The following CWF19L2 variants were observed in gnomAD, a reference collection of about 807,000 sequenced individuals.
CWF19L2 encodes CWF19-like protein 2.
In CWF19L2, 98 loss-of-function variants were observed where a neutral mutation model predicts 111.7. That is an observed-to-expected ratio of 0.88 (90% CI 0.75 to 1.04). The LOEUF (loss-of-function observed/expected upper bound fraction) is 1.04, where lower values mean the gene tolerates loss of function less well. Ranked by LOEUF, CWF19L2 falls within the 50% of genes least tolerant of loss-of-function variation. The pLI, the probability that CWF19L2 is intolerant of heterozygous loss-of-function variation, is 0.00. For missense variants in CWF19L2, 1,101 were observed against 1,051.4 expected, an observed-to-expected ratio of 1.05 and a Z score of -0.65; for synonymous variants, 351 against 342.9, an observed-to-expected ratio of 1.02 and a Z score of -0.26.
At chr11:107,457,600 T>G (rs1861873559) in intron 1 of CWF19L2, 112 bp downstream of exon 1, 1 of 733,366 alleles carries the variant, frequency 1.4e-6, no homozygotes, top group African/African-American at 1.8e-5. Context: ...TCACCCAAAT[T>G]AAGGTGAGAT....
At chr11:107,403,711 T>G in intron 10 of CWF19L2, 1 of 823,068 alleles carries the variant, frequency 1.2e-6, no homozygotes, top group Admixed American at 1.7e-5. Context: ...CGGCTTGCTC[T>G]GCCGCCTCCT....
At chr11:107,351,754 G>A (rs1446565388) in intron 13 of CWF19L2, among the ~76,000 whole-genome samples, 2 of 152,092 alleles carry the variant, frequency 1.3e-5, no homozygotes, top group Non-Finnish European at 2.9e-5. Flanking sequence ...GACTCATAAG[G>A]GCCACAGAAT....
At chr11:107,443,173 T>G in intron 3 of CWF19L2, 124 bp from the exon 4 acceptor site, 1 of 667,878 alleles carries the variant, frequency 1.5e-6, no homozygotes, top group Non-Finnish European at 2.6e-6. Flanking sequence ...ATTTCCCCTT[T>G]ACAAAATGGC....
At chr11:107,387,456 AC>A (rs1340469108) in intron 12 of CWF19L2, among the ~76,000 whole-genome samples, 59 of 63,468 alleles carry the variant, frequency 9.3e-4, no homozygotes, top group African/African-American at 4.4e-3. Context: ...ACAAAACAAA[AC>A]AAAACAAAAC....
chr11:107,346,508 C>G (rs1760601514), intron 14 of CWF19L2, among the ~76,000 whole-genome samples: 1 of 152,144 alleles, frequency 6.6e-6, no homozygotes, highest in Non-Finnish European at 1.5e-5. Flanking sequence ...AAAGAGGAAA[C>G]CCATGCTACA....
intron 15 of CWF19L2, 136 bp downstream of exon 15, chr11:107,336,422 C>T (rs981154084): frequency 1.1e-5 from 8 of 725,930 alleles, no homozygotes; most frequent in Admixed American, 7.7e-5. Context: ...AGGCACTGTG[C>T]CCGGCCTATT....
At chr11:107,441,728 G>T in intron 4 of CWF19L2, 106 bp from the exon 5 acceptor site, 1 of 1,196,208 alleles carries the variant, frequency 8.4e-7, no homozygotes, top group Non-Finnish European at 1.1e-6. Flanking sequence ...GACTTTGGAG[G>T]CAATCAAACC....
intron 12 of CWF19L2, among the ~76,000 whole-genome samples, chr11:107,371,967 A>T (rs1397551825): frequency 7.3e-6 from 1 of 137,698 alleles, no homozygotes; most frequent in Non-Finnish European, 1.6e-5. Flanking sequence ...TTGCAAAATC[A>T]AAATCACAGA....
intron 10 of CWF19L2, among the ~76,000 whole-genome samples, chr11:107,398,008 T>G (rs1054847851): frequency 6.6e-6 from 1 of 152,072 alleles, no homozygotes; most frequent in African/African-American, 2.4e-5. Context: ...GACAAAAGAA[T>G]CTAAACAATA....
At chr11:107,428,685 A>G (rs762321472) in intron 8 of CWF19L2, 114 bp downstream of exon 8, 22 of 842,216 alleles carry the variant, frequency 2.6e-5, no homozygotes, top group African/African-American at 3.4e-5. Context: ...CCTTCTATCA[A>G]TTTTAAGAAA....
At chr11:107,408,043 A>T (rs1861105722) in intron 10 of CWF19L2, among the ~76,000 whole-genome samples, 3 of 152,038 alleles carry the variant, frequency 2.0e-5, no homozygotes. Flanking sequence ...TTCCTTTGGC[A>T]AAGTTACAAA....
chr11:107,408,313 G>C (rs551776433), intron 10 of CWF19L2, among the ~76,000 whole-genome samples: 240 of 151,976 alleles, frequency 1.6e-3, no homozygotes, highest in African/African-American at 5.3e-3. Flanking sequence ...AAATACTCTA[G>C]GCAAAGAAAG....
chr11:107,426,249 T>C (rs1861374701), intron 8 of CWF19L2, among the ~76,000 whole-genome samples: 1 of 151,724 alleles, frequency 6.6e-6, no homozygotes, highest in Admixed American at 6.6e-5. Flanking sequence ...CATAAAAATA[T>C]GGCAAACTTC....
At chr11:107,343,705 T>C (rs1860038178) in intron 14 of CWF19L2, among the ~76,000 whole-genome samples, 1 of 152,158 alleles carries the variant, frequency 6.6e-6, no homozygotes, top group Admixed American at 6.5e-5. Flanking sequence ...TTGATTTATT[T>C]AGTGTTTTTC....
chr11:107,402,873 G>GTGTATATATATA (rs1247886311), intron 10 of CWF19L2, among the ~76,000 whole-genome samples: 5 of 94,452 alleles, frequency 5.3e-5, no homozygotes, highest in African/African-American at 2.4e-4. Flanking sequence ...ACTGTGGTGT[G>GTGTATATATATA]TATATATATA....
At chr11:107,447,603 T>C (rs1861718803) in intron 3 of CWF19L2, among the ~76,000 whole-genome samples, 1 of 152,204 alleles carries the variant, frequency 6.6e-6, no homozygotes, top group Non-Finnish European at 1.5e-5. Context: ...AAAGCTATTC[T>C]AGGTGCATAC....
chr11:107,327,031 T>A lies in CWF19L2; in HGVS notation c.2564A>T (p.Asp855Val). The change falls in exon 18 of 18, where the codon GAT (aspartate) becomes GTT (valine). Residue 855 changes from aspartate (D) to valine (V), a missense_variant. Asp to Val is a radical substitution (Grantham distance 152). Coordinates refer to ENST00000282251, the MANE Select transcript of CWF19L2 (RefSeq NM_152434.3). The stretch of plus-strand genomic sequence containing the variant: ...TTTCCTCCAAAGTCTTGGTTCTATA[T>A]CCAGCATCCCACCTATGATTTCCTT... ...FGKEIIGGML[D>V]IEPRLWRKGI... The A allele has an allele frequency of 1.9e-6, 3 of 1,607,348 alleles. No individual in the cohort carries two copies. The highest frequency in any genetic ancestry group is 2.5e-6 in the Non-Finnish European group (3 of 1,177,548).
At chr11:107,335,216 A>G (rs1859904948) in intron 15 of CWF19L2, among the ~76,000 whole-genome samples, 1 of 152,180 alleles carries the variant, frequency 6.6e-6, no homozygotes, top group Admixed American at 6.5e-5. Context: ...TTACATGGCA[A>G]TCCTTAATAA....
Position 107,397,891 on chromosome 11 carries a change from G to A in CWF19L2, c.1618-4996C>T, listed in dbSNP as rs117945519. Among the ~76,000 whole-genome samples the A allele has an allele frequency of 2.6e-5, 4 of 152,260 alleles. No homozygotes were observed. The East Asian group carries it at 7.7e-4, about 29-fold the overall frequency. ...CAGCCCATAGCCAGGTAAACTTGCT[G>A]GGTGGCTAGACCCAGAAGACAGACA... On this transcript the variant is annotated intron_variant, in intron 10 of 17. Transcript: ENST00000282251.
Sources: allele counts gnomAD v4.1 joint callset (sites outside exome capture counted in the v4.1 genomes callset), GRCh38; gene constraint gnomAD v4.1.1; transcripts MANE v1.5; gene names NCBI Gene and HGNC (gene_info 2026-07-23, HGNC 2026-07-21).